UNC80: variants seen among roughly 807,000 people sequenced by gnomAD.
UNC80 encodes protein unc-80 homolog.
Under a neutral mutation model 384.6 loss-of-function variants are expected in UNC80, and 164 were observed. That is an observed-to-expected ratio of 0.43 (90% CI 0.38 to 0.49). The LOEUF (loss-of-function observed/expected upper bound fraction) is 0.49, where lower values mean the gene tolerates loss of function less well. UNC80 is among the 20% of genes least tolerant of loss of function. The probability of loss-of-function intolerance (pLI) is 0.00; values close to 1 mark genes in which losing one functional copy is unlikely to be tolerated. For missense variants in UNC80, 3,330 were observed against 4,143.0 expected (o/e 0.80, Z 5.39); for synonymous variants, 1,486 against 1,527.8 (o/e 0.97, Z 0.64).
chr2:209,901,209 T>A (rs2124925170), intron 28 of UNC80, among the ~76,000 whole-genome samples: 1 of 152,320 alleles, frequency 6.6e-6, no homozygotes, highest in South Asian at 2.1e-4. Context: ...AGTCAATACC[T>A]GGCTTCAAAA....
At chr2:209,774,004 T>C (rs1426778612) in intron 2 of UNC80, among the ~76,000 whole-genome samples, 3 of 152,184 alleles carry the variant, frequency 2.0e-5, no homozygotes, top group African/African-American at 4.8e-5. Flanking sequence ...CAGCCTTCAT[T>C]AATATTTGGA....
chr2:209,852,820 A>C (rs2082627420), intron 22 of UNC80, among the ~76,000 whole-genome samples: 1 of 152,180 alleles, frequency 6.6e-6, no homozygotes, highest in African/African-American at 2.4e-5. Flanking sequence ...GGTTTCATCC[A>C]ATATGTGATT....
At position 209,843,409 on chromosome 2, in the gene UNC80, GT is replaced by G. The variant is rs577493336; in HGVS notation, c.3454+965del. On this transcript the variant is annotated intron_variant, in intron 21 of 64. Transcript: ENST00000673920. ...GTATACTTTAATATAGCCATTATTT[GT>G]TCTTCATTTCAAAAATGATGAAAAT... 3.8e-3 allele frequency among the ~76,000 whole-genome samples: 581 copies of G among 151,880 alleles called. 1 individual carries two copies. The highest frequency in any genetic ancestry group is 6.5e-3 in the Non-Finnish European group (441 of 67,894).
intron 29 of UNC80, among the ~76,000 whole-genome samples, chr2:209,907,865 C>A (rs565241493): frequency 9.2e-5 from 14 of 152,340 alleles, no homozygotes; most frequent in Non-Finnish European, 1.5e-5. Flanking sequence ...GAGTGCCCTC[C>A]ACTCTGCCTC....
intron 42 of UNC80, among the ~76,000 whole-genome samples, chr2:209,938,766 C>CTT (rs2091428984): frequency 6.6e-6 from 1 of 150,644 alleles, no homozygotes; most frequent in South Asian, 2.1e-4. Flanking sequence ...AACAAGTTTT[C>CTT]AAAGAATGCC....
chr2:209,809,428 C>A, intron 7 of UNC80: 1 of 1,458,734 alleles, frequency 6.9e-7, no homozygotes, highest in Non-Finnish European at 9.6e-7. Context: ...CCACTGCAGC[C>A]GTGCCTTCGC....
chr2:209,994,583 T>C (rs1024624946), intron 64 of UNC80, among the ~76,000 whole-genome samples: 1 of 152,204 alleles, frequency 6.6e-6, no homozygotes, highest in African/African-American at 2.4e-5. Context: ...ATCTGAAACT[T>C]TTTTTCAGAA....
chr2:209,857,063 T>C (rs1267228519), intron 22 of UNC80, among the ~76,000 whole-genome samples: 1 of 152,196 alleles, frequency 6.6e-6, no homozygotes, highest in African/African-American at 2.4e-5. Context: ...GTGCTGGGAT[T>C]ACAGGTGTAA....
At chr2:209,842,562 A>C in intron 21 of UNC80, 116 bp downstream of exon 21, 18 of 764,618 alleles carry the variant, frequency 2.4e-5, no homozygotes, top group African/African-American at 3.5e-5. Context: ...TTTCTTTCTC[A>C]TACATGCCTT....
At position 209,918,610 on chromosome 2, in the gene UNC80, T is replaced by A; in HGVS notation, c.5290T>A (p.Trp1764Arg). ...ATCCGTCCCAATGTTTGACCCACCG[T>A]GGGTTCCTCAGTGCAGCGGGAGTGT... ...MPSVPMFDPP[W>R]VPQCSGSVQD... is the part of the protein sequence containing the mutation. The change falls in exon 33 of 65, where the codon TGG (tryptophan) becomes AGG (arginine). Residue 1764 changes from tryptophan (W) to arginine (R), a missense_variant. By Grantham distance (101) the Trp-to-Arg change is moderately radical (BLOSUM62 -3). This residue lies in a region of UNC80 where 1,049 missense variants were observed against 1,488.6 expected (regional missense o/e 0.70). Transcript: ENST00000673920. 6.4e-7 allele frequency: 1 copy of A among 1,552,074 alleles called. No homozygotes were observed. Among genetic ancestry groups the A allele is most frequent in the Non-Finnish European group, 8.7e-7 (1 of 1,147,060 alleles).
chr2:209,876,231 G>T (rs2084772537), intron 23 of UNC80, among the ~76,000 whole-genome samples: 1 of 152,110 alleles, frequency 6.6e-6, no homozygotes, highest in Non-Finnish European at 1.5e-5. Context: ...AAACCTCCTA[G>T]CCCCTCTAAA....
chr2:209,888,277 G>A lies in UNC80; in HGVS notation c.4276+17G>A, dbSNP rs1422148853. 6 of 1,550,538 alleles carry A rather than the reference G, an allele frequency of 3.9e-6. No individual in the cohort carries two copies. In the South Asian group the frequency reaches 7.1e-5, roughly 18 times the overall value. Reference sequence around the variant, plus strand: ...AGAAGAAAGGTATGGAAACACAAAGGTTCCTTCATGTTTCAGGGTTTCTTG... The same window carrying A: ...AGAAGAAAGGTATGGAAACACAAAGATTCCTTCATGTTTCAGGGTTTCTTG... On this transcript the variant is annotated intron_variant, in intron 26 of 64. Transcript: ENST00000673920.
At chr2:209,879,672 A>T (rs2085107493) in intron 24 of UNC80, among the ~76,000 whole-genome samples, 2 of 152,194 alleles carry the variant, frequency 1.3e-5, no homozygotes, top group Admixed American at 6.5e-5. Flanking sequence ...AGCCCCTATA[A>T]GACACATATA....
At chr2:209,880,501 C>A (rs2085190339) in intron 24 of UNC80, among the ~76,000 whole-genome samples, 1 of 152,150 alleles carries the variant, frequency 6.6e-6, no homozygotes, top group African/African-American at 2.4e-5. Flanking sequence ...AATGAACTGA[C>A]AGAATTTTTA....
chr2:209,838,833 C>T (rs1041484984), intron 18 of UNC80, among the ~76,000 whole-genome samples: 6 of 152,024 alleles, frequency 3.9e-5, no homozygotes, highest in East Asian at 1.9e-4. Flanking sequence ...TGGTGGCATA[C>T]GCCTGTAGTC....
At chr2:209,914,092 A>G (rs1481567567) in intron 31 of UNC80, among the ~76,000 whole-genome samples, 152 bp downstream of exon 31, 1 of 152,230 alleles carries the variant, frequency 6.6e-6, no homozygotes. Context: ...TGTGTGCTAT[A>G]GGAAGGTAGA....
At chr2:209,985,023 TA>T in intron 61 of UNC80, 111 bp downstream of exon 61, 3 of 920,652 alleles carry the variant, frequency 3.3e-6, no homozygotes, top group Non-Finnish European at 4.8e-6. Context: ...TCTTAATATC[TA>T]TTTCCATTCC....
At chr2:209,945,030 A>G in intron 45 of UNC80, 21 bp from the exon 46 acceptor site, 1 of 1,548,150 alleles carries the variant, frequency 6.5e-7, no homozygotes, top group East Asian at 2.4e-5. Flanking sequence ...TCAATAAACA[A>G]AAATTGTTTT....
At chr2:209,945,006 T>G in intron 45 of UNC80, 45 bp from the exon 46 acceptor site, 1 of 1,544,038 alleles carries the variant, frequency 6.5e-7, no homozygotes, top group Non-Finnish European at 8.7e-7. Flanking sequence ...GTTATAGTTT[T>G]ACTGTGGTGG....
Sources: allele counts gnomAD v4.1 joint callset (sites outside exome capture counted in the v4.1 genomes callset), GRCh38; gene constraint gnomAD v4.1.1; regional missense constraint gnomAD v4.1.1; transcripts MANE v1.5; gene names NCBI Gene and HGNC (gene_info 2026-07-23, HGNC 2026-07-21).